TDRP: variants seen among roughly 807,000 people sequenced by gnomAD.
The protein encoded by TDRP is testis development-related protein.
TDRP carries 12 observed loss-of-function variants against 10.5 expected under a neutral mutation model. The ratio of observed to expected loss-of-function variants is 1.15; its 90% CI spans 0.73 to 1.86. The LOEUF (loss-of-function observed/expected upper bound fraction) is 1.86. Ranked by LOEUF, TDRP falls within the 40% of genes most tolerant of loss-of-function variation. The pLI, the probability that TDRP is intolerant of heterozygous loss-of-function variation, is 0.00. For missense variants in TDRP, 353 were observed against 229.2 expected (o/e 1.54, Z -3.49); for synonymous variants, 139 against 95.4 (o/e 1.46, Z -2.67).
At chr8:521,014 G>A (rs570918067) in intron 1 of TDRP, among the ~76,000 whole-genome samples, 2 of 152,112 alleles carry the variant, frequency 1.3e-5, no homozygotes, top group South Asian at 4.2e-4. Context: ...CAAATCCAAT[G>A]CCCTGAACCT....
chr8:522,246 C>A (rs1056668089), intron 1 of TDRP, among the ~76,000 whole-genome samples: 1 of 152,102 alleles, frequency 6.6e-6, no homozygotes, highest in Admixed American at 6.5e-5. Flanking sequence ...CAGATATAAC[C>A]GTTATATCTT....
chr8:544,470 C>G (rs1175359240), intron 1 of TDRP, among the ~76,000 whole-genome samples, 180 bp downstream of exon 1: 1 of 152,224 alleles, frequency 6.6e-6, no homozygotes, highest in African/African-American at 2.4e-5. Flanking sequence ...GGGTCAAGTT[C>G]TCCGACTCCG....
intron 1 of TDRP, among the ~76,000 whole-genome samples, chr8:512,935 G>A (rs968483795): frequency 7.3e-5 from 11 of 150,472 alleles, no homozygotes; most frequent in African/African-American, 2.5e-4. Flanking sequence ...TTGTGACACT[G>A]CACTCCAGCC....
intron 1 of TDRP, among the ~76,000 whole-genome samples, chr8:536,192 A>G (rs1437590127): frequency 1.3e-5 from 2 of 152,206 alleles, no homozygotes; most frequent in African/African-American, 4.8e-5. Flanking sequence ...TCAGTGGCTT[A>G]CTAAAAGCAC....
In TDRP at chr8:494,512, T is replaced by A. The variant is rs1801075543; in HGVS notation, c.194A>T (p.Lys65Ile). ...GACTTACCCTTTGGACTTGGGAGATTTACATCTTTCCAGGAGATGCTGCTC... is the reference window on the plus strand; with the variant it reads ...GACTTACCCTTTGGACTTGGGAGATATACATCTTTCCAGGAGATGCTGCTC... ...DDEQHLLERC[K>I]SPKSKGTNLR... Residue 65 changes from lysine (K) to isoleucine (I), a missense_variant, in exon 2 of 3, where the codon AAA (lysine) becomes ATA (isoleucine). Physicochemically the swap from Lys to Ile is moderately radical, Grantham distance 102. Transcript: ENST00000324079. 6.2e-7 allele frequency: 1 copy of A among 1,613,804 alleles called. No individual in the cohort carries two copies. The highest frequency in any genetic ancestry group is 1.3e-5 in the African/African-American group (1 of 74,926).
At chr8:542,398 C>T (rs1387931621) in intron 1 of TDRP, among the ~76,000 whole-genome samples, 1 of 151,932 alleles carries the variant, frequency 6.6e-6, no homozygotes, top group African/African-American at 2.4e-5. Context: ...CCGTGTAGGT[C>T]CACAGATTGT....
At chr8:522,039 C>T (rs1439940304) in intron 1 of TDRP, among the ~76,000 whole-genome samples, 1 of 151,870 alleles carries the variant, frequency 6.6e-6, no homozygotes, top group African/African-American at 2.4e-5. Context: ...AAAAATGTGC[C>T]TGACTTTTCA....
chr8:529,581 T>TG (rs1802130372), intron 1 of TDRP, among the ~76,000 whole-genome samples: 1 of 151,940 alleles, frequency 6.6e-6, no homozygotes, highest in South Asian at 2.1e-4. Flanking sequence ...TTGGCTTTGG[T>TG]TATCTGGGAA....
intron 1 of TDRP, among the ~76,000 whole-genome samples, chr8:522,594 T>C (rs1801934190): frequency 6.6e-6 from 1 of 152,232 alleles, no homozygotes. Context: ...CTCGCTTCTG[T>C]AATATGCTTT....
intron 1 of TDRP, among the ~76,000 whole-genome samples, chr8:500,947 C>A (rs1200892060): frequency 6.6e-6 from 1 of 152,218 alleles, no homozygotes; most frequent in Non-Finnish European, 1.5e-5. Flanking sequence ...TGTCTCACAC[C>A]TGTAATCCCA....
At chr8:498,390 C>A (rs561179031) in intron 1 of TDRP, among the ~76,000 whole-genome samples, 4 of 152,312 alleles carry the variant, frequency 2.6e-5, no homozygotes, top group African/African-American at 9.6e-5. Flanking sequence ...GATTTAATGA[C>A]TGCCCTGCTG....
At chr8:499,049 T>C (rs1185475896) in intron 1 of TDRP, among the ~76,000 whole-genome samples, 1 of 152,116 alleles carries the variant, frequency 6.6e-6, no homozygotes, top group African/African-American at 2.4e-5. Flanking sequence ...TTTACAGCAG[T>C]GTGTAAATGG....
chr8:535,102 C>T (rs77559526), intron 1 of TDRP, among the ~76,000 whole-genome samples: 1,719 of 152,316 alleles, frequency 0.011, 27 homozygotes, highest in Middle Eastern at 0.024. Flanking sequence ...GAATATTGTA[C>T]TTCCATCTGA....
At chr8:543,133 C>A (rs1368901973) in intron 1 of TDRP, among the ~76,000 whole-genome samples, 1 of 152,034 alleles carries the variant, frequency 6.6e-6, no homozygotes, top group African/African-American at 2.4e-5. Flanking sequence ...CATAGCAAGA[C>A]CCCATTTCCA....
intron 1 of TDRP, among the ~76,000 whole-genome samples, chr8:525,933 G>C (rs1219622394): frequency 6.6e-6 from 1 of 152,086 alleles, no homozygotes. Flanking sequence ...ATTGGGTCCT[G>C]GGCTTTTCTC....
chr8:492,811 A>G, intron 2 of TDRP, 67 bp from the exon 3 acceptor site: 1 of 1,238,906 alleles, frequency 8.1e-7, no homozygotes, highest in African/African-American at 1.5e-5. Flanking sequence ...TATCCATTTT[A>G]CAAACATAAA....
chr8:506,972 T>C (rs933523490), intron 1 of TDRP, among the ~76,000 whole-genome samples: 4 of 152,132 alleles, frequency 2.6e-5, no homozygotes, highest in Non-Finnish European at 5.9e-5. Context: ...TGGGTAATTA[T>C]AAAGGAAAGA....
At chr8:510,996 T>G (rs1325849403) in intron 1 of TDRP, among the ~76,000 whole-genome samples, 1 of 152,130 alleles carries the variant, frequency 6.6e-6, no homozygotes, top group Admixed American at 6.5e-5. Flanking sequence ...AGAAATCGGC[T>G]ACAGATGGTA....
At chr8:530,319 T>C (rs1430784053) in intron 1 of TDRP, among the ~76,000 whole-genome samples, 2 of 152,230 alleles carry the variant, frequency 1.3e-5, no homozygotes, top group South Asian at 2.1e-4. Context: ...TTTTGAATTC[T>C]TTGTCAGATA....
Sources: gnomAD v4.1 joint callset for allele counts (sites outside exome capture counted in the v4.1 genomes callset) on GRCh38, gnomAD v4.1.1 for gene constraint, MANE v1.5 for transcripts, NCBI Gene and HGNC (gene_info 2026-07-23, HGNC 2026-07-21) for gene names.